ASH1L: variants seen among roughly 807,000 people sequenced by gnomAD.
ASH1L encodes the protein ASH1 like histone lysine methyltransferase, also known as histone-lysine N-methyltransferase ASH1L.
ASH1L carries 23 observed loss-of-function variants against 269.0 expected under a neutral mutation model. The observed-to-expected ratio is 0.09, with a 90% CI of 0.06 to 0.12. The LOEUF is 0.12. Ranked by LOEUF, ASH1L falls within the 10% of genes least tolerant of loss-of-function variation. The pLI is 1.00. For synonymous variants in ASH1L, 1,187 were observed against 1,253.5 expected (o/e 0.95, Z 1.12); for missense variants, 2,912 against 3,567.8 (o/e 0.82, Z 4.68).
At chr1:155,337,808 G>T (rs1652435972) in intron 27 of ASH1L, 57 bp from the exon 28 acceptor site, 6 of 1,499,064 alleles carry the variant, frequency 4.0e-6, no homozygotes, top group Non-Finnish European at 4.6e-6. Context: ...CCTTATTCCA[G>T]ATTTGAGCTC....
Position 155,354,099 on chromosome 1 carries a change from A to C in ASH1L, c.7213+374T>G, listed in dbSNP as rs1397594198. ...TTGGTCAATACTAAAAGGAGTTGTTAAATAGATTATCTGCTGGAAAGCAAC... is the reference window on the plus strand; with the variant it reads ...TTGGTCAATACTAAAAGGAGTTGTTCAATAGATTATCTGCTGGAAAGCAAC... On this transcript the variant is annotated intron_variant, in intron 16 of 27. Coordinates refer to ENST00000392403, the MANE Select transcript of ASH1L (RefSeq NM_018489.3). 2.6e-5 allele frequency among the ~76,000 whole-genome samples: 4 copies of C among 152,356 alleles called. No homozygotes were observed. The East Asian group carries it at 7.7e-4, about 29-fold the overall frequency.
At chr1:155,437,489 G>A (rs987975719) in intron 5 of ASH1L, among the ~76,000 whole-genome samples, 2 of 152,150 alleles carry the variant, frequency 1.3e-5, no homozygotes, top group Admixed American at 1.3e-4. Flanking sequence ...CTTGTGCATT[G>A]TAACTGAAAT....
chr1:155,358,035 T>C (rs1170170712), intron 13 of ASH1L, among the ~76,000 whole-genome samples: 2 of 152,164 alleles, frequency 1.3e-5, no homozygotes, highest in Non-Finnish European at 2.9e-5. Context: ...CCTCCCAAAG[T>C]GCTGGGATTA....
At chr1:155,428,729 C>A (rs1661372392) in intron 5 of ASH1L, among the ~76,000 whole-genome samples, 1 of 152,224 alleles carries the variant, frequency 6.6e-6, no homozygotes, top group Non-Finnish European at 1.5e-5. Context: ...CCAAACCCAT[C>A]CCTTTATTTC....
At chr1:155,340,607 A>G (rs962101254) in intron 25 of ASH1L, among the ~76,000 whole-genome samples, 3 of 152,184 alleles carry the variant, frequency 2.0e-5, no homozygotes, top group African/African-American at 7.2e-5. Flanking sequence ...ATGGATGATC[A>G]AAATCTTTAT....
At chr1:155,489,103 A>G (rs1462449738) in intron 2 of ASH1L, among the ~76,000 whole-genome samples, 3 of 152,226 alleles carry the variant, frequency 2.0e-5, no homozygotes, top group East Asian at 1.9e-4. Flanking sequence ...GTTAAATTCA[A>G]CAGTTTCACA....
Position 155,562,487 on chromosome 1 carries a change from G to C in ASH1L, c.-434C>G. 4 of 1,475,088 alleles carry C rather than the reference G, an allele frequency of 2.7e-6. No homozygotes were observed. The highest frequency in any genetic ancestry group is 3.7e-6 in the Non-Finnish European group (4 of 1,090,110). 91.4% of individuals were successfully genotyped at this position (1,475,088 alleles called of 1,614,324 possible). On this transcript the variant is annotated 5_prime_UTR_variant, in exon 1 of 28. Transcript: ENST00000392403. ...CGGTGGCGGCGGCAGCTCCTCCAGAGGGAGGGAGCGAAGGGCGCCTAGCGC... is the reference window on the plus strand; with the variant it reads ...CGGTGGCGGCGGCAGCTCCTCCAGACGGAGGGAGCGAAGGGCGCCTAGCGC...
At chr1:155,555,359 T>C (rs1304482910) in intron 1 of ASH1L, among the ~76,000 whole-genome samples, 1 of 151,522 alleles carries the variant, frequency 6.6e-6, no homozygotes, top group Non-Finnish European at 1.5e-5. Context: ...TCACTGGGCA[T>C]GGTGGCTCGC....
chr1:155,561,964 C>T (rs1170254010), intron 1 of ASH1L, 189 bp downstream of exon 1: 4 of 533,652 alleles, frequency 7.5e-6, no homozygotes, highest in Non-Finnish European at 1.3e-5. Flanking sequence ...CAGGGACACC[C>T]CTTCACCCCG....
chr1:155,562,340 AG>A lies in ASH1L; in HGVS notation c.-288del, dbSNP rs1270177413. On this transcript the variant is annotated 5_prime_UTR_variant, in exon 1 of 28. Transcript: ENST00000392403. ...GGAGAAGGGAAAGGTGGAAGGCTAA[AG>A]GGGGCAAACTGAGGGGAGGCGGGTC... The A allele has an allele frequency of 9.6e-6, 15 of 1,557,062 alleles. No individual in the cohort carries two copies. The highest frequency in any genetic ancestry group is 4.6e-5 in the East Asian group (2 of 43,470).
intron 5 of ASH1L, among the ~76,000 whole-genome samples, chr1:155,435,789 G>A (rs376385891): frequency 6.6e-6 from 1 of 152,090 alleles, no homozygotes; most frequent in Non-Finnish European, 1.5e-5. Context: ...GGTGGCTCAC[G>A]CCTGTAATCC....
At chr1:155,357,848 G>T in intron 13 of ASH1L, 99 bp from the exon 14 acceptor site, 1 of 1,195,292 alleles carries the variant, frequency 8.4e-7, no homozygotes, top group Non-Finnish European at 1.1e-6. Flanking sequence ...ATGGCTCACT[G>T]CAGTCTCAAC....
intron 12 of ASH1L, chr1:155,370,165 A>G (rs1571021516): frequency 3.9e-6 from 1 of 255,086 alleles, no homozygotes; most frequent in East Asian, 8.2e-5. Context: ...CAACCTCTCA[A>G]ATAGCTGGGA....
At chr1:155,362,726 G>A (rs1355370896) in intron 12 of ASH1L, among the ~76,000 whole-genome samples, 1 of 151,984 alleles carries the variant, frequency 6.6e-6, no homozygotes, top group Admixed American at 6.6e-5. Context: ...TGTAAGATAG[G>A]CATTATGATA....
chr1:155,347,613 T>C (rs369803111), intron 20 of ASH1L, 43 bp downstream of exon 20: 9 of 1,608,254 alleles, frequency 5.6e-6, no homozygotes, highest in Non-Finnish European at 7.6e-6. Flanking sequence ...ATGGTCACCG[T>C]GTTCATCAGG....
At chr1:155,423,891 A>G (rs775123042) in intron 5 of ASH1L, among the ~76,000 whole-genome samples, 4 of 151,692 alleles carry the variant, frequency 2.6e-5, no homozygotes, top group Non-Finnish European at 5.9e-5. Context: ...CACCACTCCT[A>G]ATTTTTTGTA....
At position 155,545,175 on chromosome 1, in the gene ASH1L, C is replaced by CAAAAAAAA. The variant is rs10624841; in HGVS notation, c.-100+16970_-100+16977dup. Among the ~76,000 whole-genome samples, 146 of 21,786 alleles carry CAAAAAAAA rather than the reference C, an allele frequency of 6.7e-3. 37 individuals are homozygous for CAAAAAAAA. Among genetic ancestry groups the CAAAAAAAA allele is most frequent in the African/African-American group, 9.3e-3 (43 of 4,640 alleles). 14.3% of individuals were successfully genotyped at this position (21,786 alleles called of 152,430 possible). ...CAAGAAGAGCAAAACTCCATCTCAC[C>CAAAAAAAA]AAAAAAAAAAAAAAAAAAAAAAAAA... On this transcript the variant is annotated intron_variant, in intron 1 of 27. Coordinates refer to ENST00000392403, the MANE Select transcript of ASH1L (RefSeq NM_018489.3).
intron 10 of ASH1L, among the ~76,000 whole-genome samples, chr1:155,372,965 C>T (rs113625446): frequency 1.9e-3 from 282 of 152,058 alleles, no homozygotes; most frequent in African/African-American, 6.6e-3. Flanking sequence ...GTAATCCCAG[C>T]ACTTTAGGGG....
At position 155,337,405 on chromosome 1, in the gene ASH1L, T is replaced by G. The variant is rs558620217; in HGVS notation, c.*255A>C. 6.2e-6 allele frequency: 2 copies of G among 324,404 alleles called. No homozygotes were observed. The highest frequency in any genetic ancestry group is 1.2e-5 in the Non-Finnish European group (2 of 172,296). The allele number at this position is 324,404 out of a possible 1,614,324, so 20.1% of individuals were successfully genotyped here. On this transcript the variant is annotated 3_prime_UTR_variant, in exon 28 of 28. Coordinates refer to ENST00000392403, the MANE Select transcript of ASH1L (RefSeq NM_018489.3). Reference sequence around the variant, plus strand: ...TTCTGGTCATCAATGTGGTCCTCCCTCCTCTCTACATTATTAACCCTTAAG... The same window carrying G: ...TTCTGGTCATCAATGTGGTCCTCCCGCCTCTCTACATTATTAACCCTTAAG...
Sources: gnomAD v4.1 joint callset for allele counts (sites outside exome capture counted in the v4.1 genomes callset) on GRCh38, gnomAD v4.1.1 for gene constraint, MANE v1.5 for transcripts, NCBI Gene and HGNC (gene_info 2026-07-23, HGNC 2026-07-21) for gene names.